ZNF697: variants seen among roughly 807,000 people sequenced by gnomAD.
The protein encoded by ZNF697 is zinc finger protein 697.
A neutral mutation model predicts 32.4 loss-of-function variants in ZNF697; 23 were observed. The observed-to-expected ratio is 0.71, with a 90% CI of 0.51 to 1.01. ZNF697 has a LOEUF of 1.01. Among genes scored for constraint, ZNF697 ranks in the 50% least tolerant of loss-of-function variants. The pLI is 0.00. For missense variants in ZNF697, 930 were observed against 794.0 expected (o/e 1.17, Z -2.06); for synonymous variants, 418 against 337.2 (o/e 1.24, Z -2.62).
intron 2 of ZNF697, among the ~76,000 whole-genome samples, chr1:119,624,456 C>T (rs587635308): frequency 6.6e-6 from 1 of 152,218 alleles, no homozygotes; most frequent in Non-Finnish European, 1.5e-5. Flanking sequence ...TGGGACACTA[C>T]GTAAGATCTC....
rs1195533314 is a variant in ZNF697 at position 119,648,220 on chromosome 1, G to GGCTGGCTGGCTGGCTC, written c.-583_-568dup. ...TGGCTGGTTGGCTGGCTGGCTGGCT[G>GGCTGGCTGGCTGGCTC]GCTGGCTGGCTGGCTCGCTGGCTGG... On this transcript the variant is annotated 5_prime_UTR_variant, in exon 1 of 3. Transcript: ENST00000421812. 2.0e-5 allele frequency among the ~76,000 whole-genome samples: 3 copies of GGCTGGCTGGCTGGCTC among 151,672 alleles called. No individual in the cohort carries two copies. Among genetic ancestry groups the GGCTGGCTGGCTGGCTC allele is most frequent in the Admixed American group, 6.6e-5 (1 of 15,232 alleles).
chr1:119,623,120 G>A lies in ZNF697; in HGVS notation c.1223C>T (p.Pro408Leu). 2 of 1,591,986 alleles carry A rather than the reference G, an allele frequency of 1.3e-6. No homozygotes were observed. Among genetic ancestry groups the A allele is most frequent in the East Asian group, 2.3e-5 (1 of 43,566 alleles). The change falls in exon 3 of 3, where the codon CCC (proline) becomes CTC (leucine). Residue 408 changes from proline to leucine, a missense_variant. Physicochemically the swap from Pro to Leu is moderately conservative, Grantham distance 98 (BLOSUM62 -3). Transcript: ENST00000421812. ...CTCGCCGCACTCGGAGCACATGTAG[G>A]GCTTCTCGCCCGTGTGCACGCGCTG... The part of the protein sequence containing the change: ...KHQRVHTGEK[P>L]YMCSECGETF...
intron 1 of ZNF697, among the ~76,000 whole-genome samples, chr1:119,630,402 T>G: frequency 6.6e-6 from 1 of 152,254 alleles, no homozygotes; most frequent in Middle Eastern, 3.2e-3. Flanking sequence ...ACCTTTTTCT[T>G]GGATGCAGAT....
At chr1:119,626,899 C>T (rs1468521460) in intron 1 of ZNF697, among the ~76,000 whole-genome samples, 2 of 152,012 alleles carry the variant, frequency 1.3e-5, no homozygotes, top group African/African-American at 2.4e-5. Flanking sequence ...TTACAGTATC[C>T]GAATTGTAGA....
At chr1:119,630,107 C>T (rs925481852) in intron 1 of ZNF697, among the ~76,000 whole-genome samples, 1 of 152,204 alleles carries the variant, frequency 6.6e-6, no homozygotes, top group Non-Finnish European at 1.5e-5. Context: ...GCATACAAAA[C>T]TAATTCTACA....
rs752815408 is a variant in ZNF697 at position 119,623,179 on chromosome 1, C to T, written c.1164G>A (p.Lys388=). The T allele has an allele frequency of 1.3e-6, 2 of 1,563,482 alleles. No individual in the cohort carries two copies. The highest frequency in any genetic ancestry group is 2.3e-5 in the East Asian group (1 of 42,946). ...CCAAGTCCGAGCGCCAGCTGAAGCGCTTGCCGCACTCGCCACAGCCGTGCG... is the reference window on the plus strand; with the variant it reads ...CCAAGTCCGAGCGCCAGCTGAAGCGTTTGCCGCACTCGCCACAGCCGTGCG... ...EKPHGCGECG[K]RFSWRSDLVK... The change falls in exon 3 of 3, where the codon AAG becomes AAA. Residue 388 remains lysine, a synonymous_variant. Coordinates refer to ENST00000421812, the MANE Select transcript of ZNF697 (RefSeq NM_001080470.2).
intron 1 of ZNF697, among the ~76,000 whole-genome samples, chr1:119,646,076 T>C (rs1264402899): frequency 1.3e-5 from 2 of 152,126 alleles, no homozygotes; most frequent in Non-Finnish European, 2.9e-5. Context: ...ATGCTGCTGA[T>C]GTGAGGTCAC....
intron 1 of ZNF697, among the ~76,000 whole-genome samples, chr1:119,627,370 G>A (rs1570939701): frequency 6.6e-6 from 1 of 152,232 alleles, no homozygotes; most frequent in Non-Finnish European, 1.5e-5. Flanking sequence ...AGCCTCACTA[G>A]AGAGCCCAAA....
At chr1:119,643,695 T>A (rs902060962) in intron 1 of ZNF697, among the ~76,000 whole-genome samples, 1 of 152,148 alleles carries the variant, frequency 6.6e-6, no homozygotes, top group African/African-American at 2.4e-5. Flanking sequence ...CAGATGTGCA[T>A]GACATCTGAG....
intron 1 of ZNF697, among the ~76,000 whole-genome samples, chr1:119,635,017 G>T (rs1648881828): frequency 6.6e-6 from 1 of 152,172 alleles, no homozygotes; most frequent in African/African-American, 2.4e-5. Flanking sequence ...GGAAGGGGCT[G>T]GGGTACAGAT....
At chr1:119,624,191 T>C in intron 2 of ZNF697, 75 bp from the exon 3 acceptor site, 1 of 1,464,752 alleles carries the variant, frequency 6.8e-7, no homozygotes, top group Non-Finnish European at 9.1e-7. Flanking sequence ...GAAACCTCAG[T>C]AATAAAACTG....
Position 119,629,839 on chromosome 1 carries a change from A to T in ZNF697, c.-37-3702T>A, listed in dbSNP as rs587748765. ...GCTGCTAAAGGTTCTATTAATGAAC[A>T]ACTCACCATGTGGATACAAGAACCA... On this transcript the variant is annotated intron_variant, in intron 1 of 2. Coordinates refer to ENST00000421812, the MANE Select transcript of ZNF697 (RefSeq NM_001080470.2). 1.5e-3 allele frequency among the ~76,000 whole-genome samples: 226 copies of T among 152,340 alleles called. 3 individuals are homozygous for T. The highest frequency in any genetic ancestry group is 5.2e-3 in the African/African-American group (216 of 41,588).
chr1:119,627,661 G>T (rs949578514), intron 1 of ZNF697, among the ~76,000 whole-genome samples: 2 of 152,140 alleles, frequency 1.3e-5, no homozygotes, highest in African/African-American at 4.8e-5. Flanking sequence ...GAGAGACGAT[G>T]ATGCGCTCCC....
chr1:119,634,274 T>C (rs929336763), intron 1 of ZNF697, among the ~76,000 whole-genome samples: 3 of 152,234 alleles, frequency 2.0e-5, no homozygotes, highest in African/African-American at 7.2e-5. Context: ...TCACCCCAGC[T>C]TCCCACTGTA....
rs768619268 is a variant in ZNF697, at chr1:119,622,706, T to C, written c.1637A>G (p.Ter546TrpextTer16). 6.6e-7 allele frequency: 1 copy of C among 1,524,920 alleles called. No homozygotes were observed. The highest frequency in any genetic ancestry group is 8.8e-7 in the Non-Finnish European group (1 of 1,133,016). 94.5% of individuals were successfully genotyped at this position (1,524,920 alleles called of 1,614,324 possible). A position where few individuals can be genotyped will look rare whatever the true frequency, so the allele number is the denominator to read the frequency against. The change falls in exon 3 of 3, where the codon TAG becomes TGG. Residue 546 changes from the stop codon to tryptophan, a stop_lost. Coordinates refer to ENST00000421812, the MANE Select transcript of ZNF697 (RefSeq NM_001080470.2). ...GGCAGCCTCCCGCGGACCCAGCCCC[T>C]AACACAGGTGCAGCTTCTGGTGCTG... ...LAQHQKLHLC[*>W] is the part of the protein sequence containing the mutation.
rs587675911 is a variant in ZNF697, at chr1:119,631,857, G to A, written c.-37-5720C>T. ...AACGCAGGGCCGGCCAGCAGCAGCT[G>A]GAGGCTTCCTCCCTCCTCTTCCCAC... On this transcript the variant is annotated intron_variant, in intron 1 of 2. Transcript: ENST00000421812. Among the ~76,000 whole-genome samples, 7 of 152,358 alleles carry A rather than the reference G, an allele frequency of 4.6e-5. No individual in the cohort carries two copies. The South Asian group carries it at 6.2e-4, about 14-fold the overall frequency.
chr1:119,640,864 C>A (rs1180689176), intron 1 of ZNF697, among the ~76,000 whole-genome samples: 1 of 152,172 alleles, frequency 6.6e-6, no homozygotes, highest in Admixed American at 6.5e-5. Context: ...AGTGGCTATT[C>A]AGACTAAAGT....
At position 119,622,963 on chromosome 1, in the gene ZNF697, G is replaced by T; in HGVS notation, c.1380C>A (p.Thr460=). The T allele has an allele frequency of 6.3e-7, 1 of 1,599,614 alleles. No individual in the cohort carries two copies. ...SHLVNHLRVH[T]GEKPFRCGQC... ...GGCCACAGCGGAAGGGCTTCTCGCC[G>T]GTGTGCACGCGCAGGTGGTTCACCA... Residue 460 remains threonine (T), a synonymous_variant, in exon 3 of 3, where the codon ACC becomes ACA. Transcript: ENST00000421812.
chr1:119,635,202 G>C (rs10494228), intron 1 of ZNF697, among the ~76,000 whole-genome samples: 72,448 of 151,764 alleles, frequency 0.48, 18,607 homozygotes, highest in East Asian at 0.83. Context: ...TTTAAGTTTT[G>C]GCCAGAACAT....
Sources: gnomAD v4.1 joint callset for allele counts (sites outside exome capture counted in the v4.1 genomes callset) on GRCh38, gnomAD v4.1.1 for gene constraint, MANE v1.5 for transcripts, NCBI Gene and HGNC (gene_info 2026-07-23, HGNC 2026-07-21) for gene names.